Variants in MYOZ3 observed in about 807,000 individuals in gnomAD.
MYOZ3 encodes myozenin 3.
A neutral mutation model predicts 26.5 loss-of-function variants in MYOZ3; 19 were observed. The ratio of observed to expected loss-of-function variants is 0.72; its 90% CI spans 0.50 to 1.05. MYOZ3 has a LOEUF of 1.05. Ranked by LOEUF, MYOZ3 falls within the 50% of genes least tolerant of loss-of-function variation. The pLI is 0.00. For synonymous variants in MYOZ3, 135 were observed against 138.8 expected, an observed-to-expected ratio of 0.97 and a Z score of 0.19; for missense variants, 322 against 337.1, an observed-to-expected ratio of 0.96 and a Z score of 0.35.
intron 2 of MYOZ3, among the ~76,000 whole-genome samples, chr5:150,666,630 A>AAATATATATATATATAT (rs1554113786): frequency 1.6e-5 from 2 of 123,052 alleles, no homozygotes; most frequent in African/African-American, 6.5e-5. Context: ...AAAAAAAAAA[A>AAATATATATATATATAT]ATATATATAT....
intron 6 of MYOZ3, among the ~76,000 whole-genome samples, chr5:150,673,958 G>C (rs1188948708): frequency 6.6e-6 from 1 of 152,186 alleles, no homozygotes; most frequent in African/African-American, 2.4e-5. Context: ...GTCTAAGACA[G>C]ACGGGTGGGC....
chr5:150,670,723 C>T, intron 3 of MYOZ3, 85 bp downstream of exon 3: 1 of 1,352,468 alleles, frequency 7.4e-7, no homozygotes, highest in Non-Finnish European at 1.0e-6. Flanking sequence ...GTAAGCCAGG[C>T]TGAGGACTGT....
rs1325216452 is a variant in MYOZ3 at position 150,661,260 on chromosome 5, C to T, written c.-169C>T. 6.6e-6 allele frequency: 1 copy of T among 152,442 alleles called. No individual in the cohort carries two copies. The highest frequency in any genetic ancestry group is 1.5e-5 in the Non-Finnish European group (1 of 68,078). The allele number at this position is 152,442 out of a possible 1,614,324, so 9.4% of individuals were successfully genotyped here. Reference sequence around the variant, plus strand: ...CCCATGGCAAGGCAGGAATGATTCTCATCAGCTGAAGCCAGAGCTGGCTGC... The same window carrying T: ...CCCATGGCAAGGCAGGAATGATTCTTATCAGCTGAAGCCAGAGCTGGCTGC... On this transcript the variant is annotated 5_prime_UTR_variant, in exon 1 of 7. Transcript: ENST00000517768.
chr5:150,665,895 C>T (rs113974686), intron 2 of MYOZ3, among the ~76,000 whole-genome samples: 3,333 of 151,904 alleles, frequency 0.022, 96 homozygotes, highest in East Asian at 0.083. Context: ...ATTAGCCAGG[C>T]GTGATGGTGC....
chr5:150,662,478 G>GCAGAC (rs1211597041), intron 1 of MYOZ3, among the ~76,000 whole-genome samples: 1 of 152,116 alleles, frequency 6.6e-6, no homozygotes, highest in Non-Finnish European at 1.5e-5. Flanking sequence ...CACCAGCCTT[G>GCAGAC]CAGACCCCAG....
intron 2 of MYOZ3, among the ~76,000 whole-genome samples, chr5:150,663,257 A>G (rs1040196896): frequency 6.6e-6 from 1 of 152,120 alleles, no homozygotes; most frequent in Admixed American, 6.5e-5. Flanking sequence ...CTCTAAAATG[A>G]CCCTGGCCCT....
rs1171095645 is a variant in MYOZ3, at chr5:150,666,629, A to AT, written c.61+3627_61+3628insT. Among the ~76,000 whole-genome samples the AT allele has an allele frequency of 5.4e-3, 750 of 138,724 alleles. 1 individual carries two copies. The highest frequency in any genetic ancestry group is 0.012 in the African/African-American group (441 of 35,438). The allele number at this position is 138,724 out of a possible 152,430, so 91.0% of individuals were successfully genotyped here. ...ACTCTGTCTCAAAAAAAAAAAAAAAAAATATATATATATATATATACACAC... is the reference window on the plus strand; with the variant it reads ...ACTCTGTCTCAAAAAAAAAAAAAAAATAATATATATATATATATATACACAC... On this transcript the variant is annotated intron_variant, in intron 2 of 6. Transcript: ENST00000517768.
At chr5:150,665,771 C>T (rs1758799034) in intron 2 of MYOZ3, among the ~76,000 whole-genome samples, 1 of 151,350 alleles carries the variant, frequency 6.6e-6, no homozygotes, top group Admixed American at 6.6e-5. Flanking sequence ...GGAGGTGGCT[C>T]ACGCCTGTAA....
Position 150,677,748 on chromosome 5 carries a change from A to T in MYOZ3, c.*873A>T, listed in dbSNP as rs59423491. ...AAAGACAGTAGGGAAGACATTATAGAGCATGAAGTCACCATAATTTTCCCT... is the reference window on the plus strand; with the variant it reads ...AAAGACAGTAGGGAAGACATTATAGTGCATGAAGTCACCATAATTTTCCCT... On this transcript the variant is annotated 3_prime_UTR_variant, in exon 7 of 7. Transcript: ENST00000517768. 13,406 of 152,208 alleles carry T rather than the reference A, an allele frequency of 0.088. 1,839 individuals are homozygous for T. Among genetic ancestry groups the T allele is most frequent in the African/African-American group, 0.29 (12,072 of 41,468 alleles). 9.4% of individuals were successfully genotyped at this position (152,208 alleles called of 1,614,324 possible). A position where few individuals can be genotyped will look rare whatever the true frequency, so the allele number is the denominator to read the frequency against.
intron 6 of MYOZ3, among the ~76,000 whole-genome samples, chr5:150,675,292 T>C (rs932645415): frequency 2.6e-5 from 4 of 151,952 alleles, no homozygotes; most frequent in African/African-American, 9.7e-5. Flanking sequence ...CTTTTTTTAC[T>C]CAACATTACG....
At chr5:150,672,027 C>G in intron 5 of MYOZ3, 119 bp downstream of exon 5, 2 of 1,341,000 alleles carry the variant, frequency 1.5e-6, no homozygotes, top group African/African-American at 1.5e-5. Context: ...AACACACACG[C>G]GCACGCGCGC....
intron 2 of MYOZ3, among the ~76,000 whole-genome samples, chr5:150,664,961 T>C (rs1414966774): frequency 1.3e-5 from 2 of 152,172 alleles, no homozygotes; most frequent in Admixed American, 6.5e-5. Flanking sequence ...CATATATGAA[T>C]GTCTTTATAT....
At chr5:150,673,226 G>A (rs1561671823) in intron 6 of MYOZ3, 1 of 152,310 alleles carries the variant, frequency 6.6e-6, no homozygotes, top group Non-Finnish European at 1.5e-5. Flanking sequence ...CCTGTAAAAT[G>A]AGGGGTTTAT....
chr5:150,664,778 A>G (rs1758782999), intron 2 of MYOZ3, among the ~76,000 whole-genome samples: 2 of 152,164 alleles, frequency 1.3e-5, no homozygotes, highest in Admixed American at 1.3e-4. Context: ...CATGGTTACA[A>G]TGATAATACA....
intron 3 of MYOZ3, chr5:150,670,981 A>G (rs1041343897): frequency 3.9e-5 from 7 of 180,746 alleles, no homozygotes; most frequent in African/African-American, 1.7e-4. Context: ...GCCTGATCTA[A>G]GATGGAAAAT....
intron 6 of MYOZ3, among the ~76,000 whole-genome samples, chr5:150,675,840 C>T (rs1458445395): frequency 6.6e-6 from 1 of 152,170 alleles, no homozygotes; most frequent in Non-Finnish European, 1.5e-5. Flanking sequence ...GGTGAAGATG[C>T]GGGGTGACAT....
chr5:150,666,212 A>G (rs1198664310), intron 2 of MYOZ3, among the ~76,000 whole-genome samples: 1 of 151,762 alleles, frequency 6.6e-6, no homozygotes, highest in Non-Finnish European at 1.5e-5. Context: ...ACAATTTCCA[A>G]CCCTCCTCCT....
chr5:150,666,186 C>G (rs936551898), intron 2 of MYOZ3, among the ~76,000 whole-genome samples: 2 of 152,062 alleles, frequency 1.3e-5, no homozygotes, highest in African/African-American at 2.4e-5. Context: ...AAAACAGTTA[C>G]AACAAAACAG....
At chr5:150,670,320 T>G (rs1273261839) in intron 2 of MYOZ3, 164 bp from the exon 3 acceptor site, 1 of 650,710 alleles carries the variant, frequency 1.5e-6, no homozygotes, top group Non-Finnish European at 2.4e-6. Flanking sequence ...GTGTCATTTT[T>G]GCCCATCAGG....
Sources: gnomAD v4.1 joint callset for allele counts (sites outside exome capture counted in the v4.1 genomes callset) on GRCh38, gnomAD v4.1.1 for gene constraint, MANE v1.5 for transcripts, NCBI Gene and HGNC (gene_info 2026-07-23, HGNC 2026-07-21) for gene names.